The following EPHA6 variants were observed in gnomAD, a reference collection of about 807,000 sequenced individuals.
EPHA6 encodes the protein EPH receptor A6, also known as ephrin type-A receptor 6.
In EPHA6, 50 loss-of-function variants were observed where a neutral mutation model predicts 112.0. The ratio of observed to expected loss-of-function variants is 0.45; its 90% CI spans 0.36 to 0.56. The LOEUF (loss-of-function observed/expected upper bound fraction) is 0.56, where lower values mean the gene tolerates loss of function less well. EPHA6 is among the 20% of genes least tolerant of loss of function. The pLI, the probability that EPHA6 is intolerant of heterozygous loss-of-function variation, is 0.00. For synonymous variants in EPHA6, 529 were observed against 490.7 expected, an observed-to-expected ratio of 1.08 and a Z score of -1.03; for missense variants, 1,280 against 1,417.4, an observed-to-expected ratio of 0.90 and a Z score of 1.56.
At chr3:96,844,489 C>T (rs935499026) in intron 1 of EPHA6, among the ~76,000 whole-genome samples, 13 of 151,922 alleles carry the variant, frequency 8.6e-5, no homozygotes, top group African/African-American at 3.1e-4. Context: ...CTGCTTCCAC[C>T]TCTCAAAAAT....
intron 2 of EPHA6, among the ~76,000 whole-genome samples, chr3:96,884,987 G>A (rs1190657628): frequency 6.6e-6 from 1 of 152,142 alleles, no homozygotes; most frequent in Non-Finnish European, 1.5e-5. Context: ...ATGATCATGC[G>A]ATTTTTGTTT....
At chr3:97,178,916 T>A (rs1311772811) in intron 3 of EPHA6, among the ~76,000 whole-genome samples, 1 of 152,102 alleles carries the variant, frequency 6.6e-6, no homozygotes, top group Non-Finnish European at 1.5e-5. Context: ...CTGTTATTAT[T>A]CCTTTGAATA....
chr3:97,602,400 A>G (rs2093650238), intron 12 of EPHA6, among the ~76,000 whole-genome samples: 1 of 152,040 alleles, frequency 6.6e-6, no homozygotes, highest in Non-Finnish European at 1.5e-5. Context: ...CTAGTTCATA[A>G]TACCCTTCCA....
At chr3:96,926,176 C>T (rs9847982) in intron 2 of EPHA6, among the ~76,000 whole-genome samples, 2,753 of 152,214 alleles carry the variant, frequency 0.018, 70 homozygotes, top group African/African-American at 0.05. Flanking sequence ...TCTTACATGG[C>T]AGCAGGCGAG....
At chr3:97,174,737 A>G (rs1337923893) in intron 3 of EPHA6, among the ~76,000 whole-genome samples, 1 of 151,666 alleles carries the variant, frequency 6.6e-6, no homozygotes, top group Non-Finnish European at 1.5e-5. Flanking sequence ...TGTGTTGATC[A>G]GATTATTATA....
intron 14 of EPHA6, among the ~76,000 whole-genome samples, chr3:97,715,673 C>G (rs1021104461): frequency 2.0e-5 from 3 of 152,160 alleles, no homozygotes; most frequent in African/African-American, 7.2e-5. Context: ...ATTGGTCTCT[C>G]CTCTGCAGAT....
intron 12 of EPHA6, 135 bp from the exon 13 acceptor site, chr3:97,610,658 T>G: frequency 2.8e-6 from 2 of 707,286 alleles, no homozygotes; most frequent in Non-Finnish European, 4.9e-6. Flanking sequence ...AATACGTTTA[T>G]AGAAGCAGGC....
At chr3:97,161,617 T>C (rs1178155503) in intron 3 of EPHA6, among the ~76,000 whole-genome samples, 1 of 152,188 alleles carries the variant, frequency 6.6e-6, no homozygotes, top group Non-Finnish European at 1.5e-5. Context: ...GTGCCTTTTT[T>C]TCTTTTTCCT....
intron 3 of EPHA6, among the ~76,000 whole-genome samples, chr3:97,183,679 C>T (rs2077049159): frequency 6.6e-6 from 1 of 151,998 alleles, no homozygotes; most frequent in East Asian, 1.9e-4. Context: ...TCATTATTGG[C>T]AGTCTTAATT....
chr3:97,570,681 A>T lies in EPHA6; in HGVS notation c.2387-21931A>T, dbSNP rs1250971399. ...GAGGCAGAGGTTGCAGTAAGCAGAG[A>T]TCACACCACTGTACTCCAGCCAGGG... On this transcript the variant is annotated intron_variant, in intron 11 of 17. Coordinates refer to ENST00000389672, the MANE Select transcript of EPHA6 (RefSeq NM_001080448.3). 2.0e-5 allele frequency among the ~76,000 whole-genome samples: 3 copies of T among 152,226 alleles called. No individual in the cohort carries two copies. The South Asian group carries it at 6.2e-4, about 32-fold the overall frequency.
At chr3:97,124,944 A>G (rs2048143259) in intron 3 of EPHA6, among the ~76,000 whole-genome samples, 1 of 152,198 alleles carries the variant, frequency 6.6e-6, no homozygotes, top group Non-Finnish European at 1.5e-5. Context: ...CATAATTACT[A>G]AAATACAGTG....
At chr3:97,095,563 C>A (rs2047211671) in intron 3 of EPHA6, among the ~76,000 whole-genome samples, 1 of 151,936 alleles carries the variant, frequency 6.6e-6, no homozygotes, top group Non-Finnish European at 1.5e-5. Context: ...ACTCATCAGA[C>A]TAATGAAATT....
At chr3:97,333,468 CTT>C (rs869258362) in intron 5 of EPHA6, among the ~76,000 whole-genome samples, 1 of 75,852 alleles carries the variant, frequency 1.3e-5, no homozygotes, top group East Asian at 3.7e-4. Context: ...TATGGCTTTT[CTT>C]TTTTTTTTTT....
At chr3:97,174,532 CT>C (rs541169570) in intron 3 of EPHA6, among the ~76,000 whole-genome samples, 2 of 151,976 alleles carry the variant, frequency 1.3e-5, no homozygotes, top group South Asian at 4.2e-4. Flanking sequence ...CAAGGGTTCC[CT>C]TTTCTCCACA....
At chr3:96,942,584 C>G (rs1294495632) in intron 2 of EPHA6, among the ~76,000 whole-genome samples, 1 of 152,222 alleles carries the variant, frequency 6.6e-6, no homozygotes, top group Non-Finnish European at 1.5e-5. Context: ...AATGCCTTGC[C>G]CTGCTTAGGC....
chr3:96,909,872 A>C, intron 2 of EPHA6, among the ~76,000 whole-genome samples: 1 of 152,016 alleles, frequency 6.6e-6, no homozygotes, highest in East Asian at 1.9e-4. Context: ...GACCTTAAGC[A>C]AGGTTCTGTG....
At chr3:97,264,856 A>G (rs1486273127) in intron 5 of EPHA6, among the ~76,000 whole-genome samples, 5 of 152,254 alleles carry the variant, frequency 3.3e-5, no homozygotes, top group African/African-American at 1.2e-4. Context: ...CTGAACATTC[A>G]TTGGGACACC....
At chr3:97,554,580 G>T (rs1414514557) in intron 11 of EPHA6, among the ~76,000 whole-genome samples, 1 of 152,020 alleles carries the variant, frequency 6.6e-6, no homozygotes, top group Non-Finnish European at 1.5e-5. Flanking sequence ...GGGGTGGCCA[G>T]GTTCCTTCTA....
At chr3:97,087,881 T>G (rs550521269) in intron 3 of EPHA6, among the ~76,000 whole-genome samples, 1 of 152,246 alleles carries the variant, frequency 6.6e-6, no homozygotes, top group South Asian at 2.1e-4. Flanking sequence ...TGTACCTTCA[T>G]TTCCCATTAA....
Sources: gnomAD v4.1 joint callset for allele counts (sites outside exome capture counted in the v4.1 genomes callset) on GRCh38, gnomAD v4.1.1 for gene constraint, MANE v1.5 for transcripts, NCBI Gene and HGNC (gene_info 2026-07-23, HGNC 2026-07-21) for gene names.